DGKB: variants seen among roughly 807,000 people sequenced by gnomAD.
The protein encoded by DGKB is 90 kDa diacylglycerol kinase.
DGKB carries 67 observed loss-of-function variants against 114.3 expected under a neutral mutation model. The observed-to-expected ratio is 0.59, with a 90% confidence interval of 0.48 to 0.72. DGKB has a LOEUF of 0.72. DGKB is among the 30% of genes least tolerant of loss of function. DGKB has a pLI of 0.00. For synonymous variants in DGKB, 398 were observed against 323.1 expected (o/e 1.23, Z -2.49); for missense variants, 907 against 975.2 (o/e 0.93, Z 0.93).
At position 14,701,664 on chromosome 7, in the gene DGKB, T is replaced by G; in HGVS notation, c.516+17A>C. On this transcript the variant is annotated intron_variant, in intron 7 of 25. Transcript: ENST00000402815. ...AATCTTTGAAGTTTTCACAGAAACTTTGAAGAAAAAAATTACCGAGCTGTC... is the reference window on the plus strand; with the variant it reads ...AATCTTTGAAGTTTTCACAGAAACTGTGAAGAAAAAAATTACCGAGCTGTC... The G allele has an allele frequency of 1.3e-6, 2 of 1,589,350 alleles. No individual in the cohort carries two copies. The highest frequency in any genetic ancestry group is 1.7e-6 in the Non-Finnish European group (2 of 1,158,330).
At chr7:14,824,983 C>A (rs1040072439) in intron 2 of DGKB, among the ~76,000 whole-genome samples, 1 of 125,906 alleles carries the variant, frequency 7.9e-6, no homozygotes, top group African/African-American at 2.9e-5. Context: ...ATATTTATCT[C>A]ATATATGTGT....
chr7:14,192,258 C>T, intron 23 of DGKB: 1 of 205,572 alleles, frequency 4.9e-6, no homozygotes, highest in Non-Finnish European at 9.8e-6. Context: ...AAAACAAATT[C>T]ACTAAAATTG....
intron 19 of DGKB, among the ~76,000 whole-genome samples, chr7:14,579,456 TTCATATACA>T (rs1346942815): frequency 1.3e-5 from 2 of 152,212 alleles, no homozygotes; most frequent in African/African-American, 4.8e-5. Flanking sequence ...ATTATTAATT[TTCATATACA>T]TCAAATATAT....
chr7:14,687,104 G>C (rs750797574), intron 9 of DGKB, among the ~76,000 whole-genome samples: 37 of 152,008 alleles, frequency 2.4e-4, no homozygotes, highest in Non-Finnish European at 5.0e-4. Flanking sequence ...TCATCAATTG[G>C]GTCCCACTCT....
At chr7:14,476,187 A>G (rs917663744) in intron 21 of DGKB, among the ~76,000 whole-genome samples, 2 of 152,032 alleles carry the variant, frequency 1.3e-5, no homozygotes, top group Non-Finnish European at 1.5e-5. Flanking sequence ...AATGCTTCAT[A>G]GAATGACATG....
chr7:14,231,493 G>A (rs1417910311), intron 23 of DGKB, among the ~76,000 whole-genome samples: 2 of 151,880 alleles, frequency 1.3e-5, no homozygotes, highest in East Asian at 3.9e-4. Flanking sequence ...ATTAGCATTT[G>A]AAAGAGATAT....
rs1328284534 is a variant in DGKB at position 14,950,508 on chromosome 7, T to C, written c.-188+24188A>G. Among the ~76,000 whole-genome samples, 5 of 151,920 alleles carry C rather than the reference T, an allele frequency of 3.3e-5. No homozygotes were observed. In the East Asian group the frequency reaches 9.6e-4, roughly 29 times the overall value. ...TAATGATCAGGTATTAACAAAATTTTAGTTGGATTGATCAAGAAAAAAGGA... is the reference window on the plus strand; with the variant it reads ...TAATGATCAGGTATTAACAAAATTTCAGTTGGATTGATCAAGAAAAAAGGA... On this transcript the variant is annotated intron_variant, in intron 1 of 4. Coordinates refer to the DGKB transcript ENST00000437998.
intron 22 of DGKB, among the ~76,000 whole-genome samples, chr7:14,344,725 C>G (rs1583307614): frequency 1.3e-5 from 2 of 149,968 alleles, no homozygotes; most frequent in Non-Finnish European, 1.5e-5. Context: ...TTTTTACAGA[C>G]CTATTTGCTC....
intron 14 of DGKB, among the ~76,000 whole-genome samples, chr7:14,628,646 T>A (rs764791142): frequency 5.3e-5 from 8 of 152,178 alleles, no homozygotes; most frequent in Non-Finnish European, 8.8e-5. Context: ...TTCTCCCACA[T>A]ATACTTTAAC....
At chr7:14,306,965 G>A (rs1241306343) in intron 23 of DGKB, among the ~76,000 whole-genome samples, 1 of 152,062 alleles carries the variant, frequency 6.6e-6, no homozygotes, top group Non-Finnish European at 1.5e-5. Context: ...TTAATATCAT[G>A]TATTCTCTTA....
intron 20 of DGKB, among the ~76,000 whole-genome samples, chr7:14,491,798 T>G (rs150327289): frequency 1.1e-3 from 166 of 152,200 alleles, no homozygotes; most frequent in African/African-American, 3.8e-3. Flanking sequence ...AAGAATAATA[T>G]TATTTTAACT....
At chr7:14,868,763 TA>T (rs1852044608) in intron 1 of DGKB, among the ~76,000 whole-genome samples, 1 of 152,134 alleles carries the variant, frequency 6.6e-6, no homozygotes, top group Admixed American at 6.6e-5. Context: ...TTTTCCTTCT[TA>T]ACTATAATGT....
intron 21 of DGKB, among the ~76,000 whole-genome samples, chr7:14,350,958 C>T (rs1813324776): frequency 6.6e-6 from 1 of 151,946 alleles, no homozygotes. Flanking sequence ...TTTTATGTGT[C>T]ATTTCAAATC....
At chr7:14,377,914 T>C (rs1818766234) in intron 21 of DGKB, among the ~76,000 whole-genome samples, 1 of 152,206 alleles carries the variant, frequency 6.6e-6, no homozygotes, top group Admixed American at 6.5e-5. Context: ...ACTCTCCCTT[T>C]CTCAGAGAGC....
At chr7:14,411,325 T>C (rs1282978649) in intron 21 of DGKB, among the ~76,000 whole-genome samples, 2 of 152,188 alleles carry the variant, frequency 1.3e-5, no homozygotes, top group African/African-American at 4.8e-5. Flanking sequence ...CAAGTTACAA[T>C]GGATTTGTCA....
At chr7:14,896,345 T>C (rs1280614029) in intron 1 of DGKB, among the ~76,000 whole-genome samples, 1 of 151,768 alleles carries the variant, frequency 6.6e-6, no homozygotes, top group Non-Finnish European at 1.5e-5. Flanking sequence ...ATGTGTGTTG[T>C]TTAACTTATC....
intron 23 of DGKB, among the ~76,000 whole-genome samples, chr7:14,220,416 A>G (rs6461077): frequency 0.039 from 5,922 of 151,466 alleles, 378 homozygotes; most frequent in African/African-American, 0.14. Flanking sequence ...CTCTTATCTA[A>G]AATTAGTTGA....
At chr7:14,777,534 A>T (rs1838386425) in intron 2 of DGKB, among the ~76,000 whole-genome samples, 1 of 152,096 alleles carries the variant, frequency 6.6e-6, no homozygotes, top group Non-Finnish European at 1.5e-5. Context: ...CTGATGGTTT[A>T]ATAAGGGGCT....
At chr7:14,318,855 T>C (rs1312484356) in intron 23 of DGKB, among the ~76,000 whole-genome samples, 1 of 152,108 alleles carries the variant, frequency 6.6e-6, no homozygotes, top group Admixed American at 6.6e-5. Flanking sequence ...TATTGCGGCA[T>C]TATTCACAAT....
Sources: allele counts gnomAD v4.1 joint callset (sites outside exome capture counted in the v4.1 genomes callset), GRCh38; gene constraint gnomAD v4.1.1; transcripts MANE v1.5; gene names NCBI Gene and HGNC (gene_info 2026-07-23, HGNC 2026-07-21).